The following CMYA5 variants were observed in gnomAD, a reference collection of about 807,000 sequenced individuals.
CMYA5 encodes cardiomyopathy-associated protein 5.
CMYA5 carries 246 observed loss-of-function variants against 318.9 expected under a neutral mutation model. The ratio of observed to expected loss-of-function variants is 0.77; its 90% CI spans 0.70 to 0.86. The LOEUF is 0.86. Among genes scored for constraint, CMYA5 ranks in the 40% least tolerant of loss-of-function variants. The pLI, the probability that CMYA5 is intolerant of heterozygous loss-of-function variation, is 0.00. For synonymous variants in CMYA5, 1,641 were observed against 1,729.5 expected, an observed-to-expected ratio of 0.95 and a Z score of 1.27; for missense variants, 4,589 against 4,678.2, an observed-to-expected ratio of 0.98 and a Z score of 0.56.
chr5:79,786,876 G>T (rs993696520), intron 9 of CMYA5, among the ~76,000 whole-genome samples: 1 of 152,144 alleles, frequency 6.6e-6, no homozygotes, highest in Non-Finnish European at 1.5e-5. Flanking sequence ...TTTTGTTTGC[G>T]TGCCTGCTGC....
chr5:79,748,272 T>C (rs571698307), intron 5 of CMYA5, among the ~76,000 whole-genome samples: 14 of 152,302 alleles, frequency 9.2e-5, no homozygotes, highest in African/African-American at 2.9e-4. Flanking sequence ...TTGAAAGTTC[T>C]GGTTTATACA....
chr5:79,709,776 G>A (rs552636098), intron 1 of CMYA5, among the ~76,000 whole-genome samples: 1 of 151,596 alleles, frequency 6.6e-6, no homozygotes, highest in African/African-American at 2.4e-5. Flanking sequence ...TGGTCAGCAT[G>A]GTGAAACCCC....
At chr5:79,747,015 T>C in intron 4 of CMYA5, 76 bp from the exon 5 acceptor site, 1 of 892,712 alleles carries the variant, frequency 1.1e-6, no homozygotes, top group Non-Finnish European at 1.8e-6. Flanking sequence ...CTTTCTGTTG[T>C]TAATTAGCTT....
rs62620747 is a variant in CMYA5, at chr5:79,736,818, G to T, written c.8053G>T (p.Gly2685Cys). Residue 2685 changes from glycine to cysteine, a missense_variant, in exon 2 of 13, where the codon GGT becomes TGT. Physicochemically the swap from Gly to Cys is radical, Grantham distance 159. Transcript: ENST00000446378. The part of the protein sequence containing the change: ...QFRESELSKG[G>C]SVDITKETVK... Reference sequence around the variant, plus strand: ...CAGAGAGTCAGAGCTATCGAAAGGCGGTTCAGTAGATATCACAAAAGAAAC... The same window carrying T: ...CAGAGAGTCAGAGCTATCGAAAGGCTGTTCAGTAGATATCACAAAAGAAAC... The T allele has an allele frequency of 3.1e-3, 4,988 of 1,610,370 alleles. 144 individuals are homozygous for T. In the African/African-American group the frequency reaches 0.061, roughly 20 times the overall value.
Position 79,708,732 on chromosome 5 carries a change from A to C in CMYA5, c.149+18676A>C, listed in dbSNP as rs551492837. On this transcript the variant is annotated intron_variant, in intron 1 of 12. Transcript: ENST00000446378. ...AGGTGAGTAGATCAACAGGAGTTCGACATTAGCCTGGCCAACATGGTAAAA... is the reference window on the plus strand; with the variant it reads ...AGGTGAGTAGATCAACAGGAGTTCGCCATTAGCCTGGCCAACATGGTAAAA... Among the ~76,000 whole-genome samples, 52 of 151,772 alleles carry C rather than the reference A, an allele frequency of 3.4e-4. No homozygotes were observed. In the South Asian group the frequency reaches 7.3e-3, roughly 21 times the overall value.
At chr5:79,752,858 A>G (rs1363945500) in intron 6 of CMYA5, 64 bp downstream of exon 6, 2 of 1,112,926 alleles carry the variant, frequency 1.8e-6, no homozygotes, top group Non-Finnish European at 2.7e-6. Flanking sequence ...TTTGTTTTGT[A>G]TGTAATGATA....
chr5:79,722,364 T>C (rs1827656635), intron 1 of CMYA5, among the ~76,000 whole-genome samples: 1 of 151,998 alleles, frequency 6.6e-6, no homozygotes, highest in Admixed American at 6.6e-5. Flanking sequence ...AAAGGGACAG[T>C]TTGAAAATTA....
In CMYA5 at chr5:79,731,421, G is replaced by A; in HGVS notation, c.2656G>A (p.Glu886Lys). 1 of 1,613,572 alleles carries A rather than the reference G, an allele frequency of 6.2e-7. No homozygotes were observed. Among genetic ancestry groups the A allele is most frequent in the Non-Finnish European group, 8.5e-7 (1 of 1,179,760 alleles). Residue 886 changes from glutamate (E) to lysine (K), a missense_variant, in exon 2 of 13, where the codon GAG becomes AAG. Physicochemically the swap from Glu to Lys is moderately conservative, Grantham distance 56. Around this residue, in one of 3 missense-constraint regions of CMYA5, gnomAD observed 2,132 missense variants for 2,131.3 expected, o/e 1.00. Coordinates refer to ENST00000446378, the MANE Select transcript of CMYA5 (RefSeq NM_153610.5). The part of the protein sequence containing the change: ...PSEYVVLSDE[E>K]AVELERYTPS... Reference sequence around the variant, plus strand: ...TGAATATGTTGTTCTATCAGACGAAGAGGCAGTCGAGTTGGAACGATACAC... The same window carrying A: ...TGAATATGTTGTTCTATCAGACGAAAAGGCAGTCGAGTTGGAACGATACAC...
At chr5:79,714,593 A>G (rs539883585) in intron 1 of CMYA5, among the ~76,000 whole-genome samples, 4 of 151,920 alleles carry the variant, frequency 2.6e-5, no homozygotes, top group Admixed American at 2.6e-4. Flanking sequence ...ATGTGCCACC[A>G]TGCCTTGCTG....
At chr5:79,778,829 G>GTATGTGTGTGTGTGTGTGTGTGTT (rs1828995628) in intron 9 of CMYA5, among the ~76,000 whole-genome samples, 1 of 117,656 alleles carries the variant, frequency 8.5e-6, no homozygotes, top group Admixed American at 8.9e-5. Context: ...GTGTGTGTGT[G>GTATGTGTGTGTGTGTGTGTGTGTT]TGTGTGTATG....
At chr5:79,728,879 A>G (rs978846014) in intron 1 of CMYA5, 36 bp from the exon 2 acceptor site, 2 of 948,776 alleles carry the variant, frequency 2.1e-6, no homozygotes, top group East Asian at 6.7e-5. Context: ...TTATTTTATT[A>G]TGATAATATA....
intron 1 of CMYA5, among the ~76,000 whole-genome samples, chr5:79,701,090 C>CCAAAAAAAAAAAAAAAA (rs55791310): frequency 8.7e-6 from 1 of 114,924 alleles, no homozygotes; most frequent in African/African-American, 3.1e-5. Context: ...ACTAAAAATA[C>CCAAAAAAAAAAAAAAAA]AAAAAAAAAA....
At position 79,731,366 on chromosome 5, in the gene CMYA5, C is replaced by T. The variant is rs760434837; in HGVS notation, c.2601C>T (p.Cys867=). 31 of 1,613,776 alleles carry T rather than the reference C, an allele frequency of 1.9e-5. No homozygotes were observed. Among genetic ancestry groups the T allele is most frequent in the Non-Finnish European group, 2.6e-5 (31 of 1,179,886 alleles). The change falls in exon 2 of 13, where the codon TGC becomes TGT. Residue 867 remains cysteine, a synonymous_variant. Coordinates refer to ENST00000446378, the MANE Select transcript of CMYA5 (RefSeq NM_153610.5). ...ACACAACCGAGATGACTTCTGAATG[C>T]CAGGCCCCACCACTTTCAGCCACCC... ...PPHTTEMTSE[C]QAPPLSATPS... is the part of the protein sequence containing the mutation.
chr5:79,777,518 C>T (rs958681528), intron 9 of CMYA5, among the ~76,000 whole-genome samples: 7 of 152,078 alleles, frequency 4.6e-5, no homozygotes, highest in African/African-American at 1.7e-4. Flanking sequence ...ATGTCTGTAA[C>T]CCCAGCACTT....
chr5:79,733,008 G>T lies in CMYA5; in HGVS notation c.4243G>T (p.Glu1415Ter). The change falls in exon 2 of 13, where the codon GAA (glutamate) becomes TAA (stop). Residue 1415 changes from glutamate to a stop codon, truncating the protein, a stop_gained. Coordinates refer to ENST00000446378, the MANE Select transcript of CMYA5 (RefSeq NM_153610.5). LOFTEE classifies it high-confidence loss of function. ...TSADEHSVLA[E>*]EDKVAIKGAS... is the part of the protein sequence containing the mutation. Reference sequence around the variant, plus strand: ...TGCAGATGAACATTCAGTTCTTGCAGAAGAAGACAAGGTGGCAATTAAAGG... The same window carrying T: ...TGCAGATGAACATTCAGTTCTTGCATAAGAAGACAAGGTGGCAATTAAAGG... 1.2e-6 allele frequency: 2 copies of T among 1,613,360 alleles called. No homozygotes were observed. The highest frequency in any genetic ancestry group is 8.5e-7 in the Non-Finnish European group (1 of 1,179,606).
chr5:79,702,267 G>A (rs1462830220), intron 1 of CMYA5, among the ~76,000 whole-genome samples: 1 of 152,120 alleles, frequency 6.6e-6, no homozygotes, highest in Non-Finnish European at 1.5e-5. Flanking sequence ...GCATGGTATA[G>A]TTCTAGCTAT....
chr5:79,737,029 C>T lies in CMYA5; in HGVS notation c.8264C>T (p.Pro2755Leu), dbSNP rs770732262. The T allele has an allele frequency of 1.2e-6, 2 of 1,613,406 alleles. No homozygotes were observed. The highest frequency in any genetic ancestry group is 3.3e-5 in the Admixed American group (2 of 59,888). Residue 2755 changes from proline to leucine, a missense_variant, in exon 2 of 13, where the codon CCA becomes CTA. Physicochemically the swap from Pro to Leu is moderately conservative, Grantham distance 98 (BLOSUM62 -3). Around this residue, in one of 3 missense-constraint regions of CMYA5, gnomAD observed 2,431 missense variants for 2,495.1 expected, o/e 0.97. Transcript: ENST00000446378. ...LVLEKSSRDM[P>L]DHSEEKEQFK... ...TTAGAAAAGTCAAGCAGAGATATGC[C>T]AGATCACAGTGAAGAAAAAGAACAG...
intron 9 of CMYA5, chr5:79,763,441 T>C: frequency 2.1e-6 from 1 of 466,748 alleles, no homozygotes. Context: ...GAAAAATGTA[T>C]GTGAATTTTA....
At chr5:79,692,509 A>G (rs1015033144) in intron 1 of CMYA5, among the ~76,000 whole-genome samples, 1 of 152,220 alleles carries the variant, frequency 6.6e-6, no homozygotes, top group Non-Finnish European at 1.5e-5. Context: ...TCAGAGAACT[A>G]TCCTTCTGAT....
Sources: gnomAD v4.1 joint callset for allele counts (sites outside exome capture counted in the v4.1 genomes callset) on GRCh38, gnomAD v4.1.1 for gene constraint, gnomAD v4.1.1 regional missense constraint, MANE v1.5 for transcripts, NCBI Gene and HGNC (gene_info 2026-07-23, HGNC 2026-07-21) for gene names.